Variants in SLC8A3 observed in about 807,000 individuals in gnomAD.
The protein encoded by SLC8A3 is sodium/calcium exchanger 3.
In SLC8A3, 37 loss-of-function variants were observed where a neutral mutation model predicts 65.4. The ratio of observed to expected loss-of-function variants is 0.57; its 90% CI spans 0.44 to 0.74. The LOEUF is 0.74. SLC8A3 is among the 30% of genes least tolerant of loss of function. The pLI is 0.00. For missense variants in SLC8A3, 1,112 were observed against 1,172.1 expected, an observed-to-expected ratio of 0.95 and a Z score of 0.75; for synonymous variants, 461 against 444.5, an observed-to-expected ratio of 1.04 and a Z score of -0.47.
chr14:70,094,714 G>A (rs1035284765), intron 2 of SLC8A3, among the ~76,000 whole-genome samples: 1 of 152,234 alleles, frequency 6.6e-6, no homozygotes, highest in Admixed American at 6.5e-5. Flanking sequence ...TGATGGGGAG[G>A]AGGTGCCTCC....
intron 2 of SLC8A3, among the ~76,000 whole-genome samples, chr14:70,125,597 A>G (rs1310123502): frequency 6.7e-6 from 1 of 149,588 alleles, no homozygotes; most frequent in Admixed American, 6.7e-5. Context: ...AGTTAGGTTG[A>G]TTCCATATTT....
intron 2 of SLC8A3, among the ~76,000 whole-genome samples, chr14:70,132,268 G>T (rs761181109): frequency 2.0e-5 from 3 of 152,232 alleles, no homozygotes; most frequent in Non-Finnish European, 4.4e-5. Flanking sequence ...AAAGCAGCAA[G>T]GTCAGAAAAT....
At chr14:70,187,462 A>G (rs1883372208) in intron 1 of SLC8A3, among the ~76,000 whole-genome samples, 1 of 152,084 alleles carries the variant, frequency 6.6e-6, no homozygotes, top group East Asian at 1.9e-4. Context: ...AATAAAATAC[A>G]ATGAATTAAG....
chr14:70,165,385 T>C (rs1010132243), intron 2 of SLC8A3, among the ~76,000 whole-genome samples: 11 of 152,170 alleles, frequency 7.2e-5, no homozygotes, highest in Non-Finnish European at 1.2e-4. Flanking sequence ...TCCCCACTTT[T>C]CCATGAGTTC....
chr14:70,142,043 C>T (rs1895612909), intron 2 of SLC8A3, among the ~76,000 whole-genome samples: 1 of 152,166 alleles, frequency 6.6e-6, no homozygotes, highest in African/African-American at 2.4e-5. Flanking sequence ...CCAATGGGTT[C>T]CACGGAGCCA....
chr14:70,080,392 T>C lies in SLC8A3; in HGVS notation c.1785-19453A>G, dbSNP rs538062348. Among the ~76,000 whole-genome samples the C allele has an allele frequency of 1.6e-3, 237 of 152,224 alleles. 1 individual carries two copies. The highest frequency in any genetic ancestry group is 5.5e-3 in the African/African-American group (227 of 41,528). On this transcript the variant is annotated intron_variant, in intron 2 of 6. Coordinates refer to ENST00000356921, the MANE Select transcript of SLC8A3 (RefSeq NM_182932.3). Reference sequence around the variant, plus strand: ...CAAGGAGATTTACCTGTGCATTCCATCAGGAGATGCAGTAAGGAGACAGGA... The same window carrying C: ...CAAGGAGATTTACCTGTGCATTCCACCAGGAGATGCAGTAAGGAGACAGGA...
Position 70,052,065 on chromosome 14 carries a change from T to C in SLC8A3, c.1938A>G (p.Ile646Met), listed in dbSNP as rs1171176828. ...CCAATACTGGCTTTCCCATCTCTGC[T>C]ATCCTCTTGGCCTCCTCTTCTTCCA... ...LTMEEEEAKR[I>M]AEMGKPVLGE... The change falls in exon 4 of 7, where the codon ATA becomes ATG. Residue 646 changes from isoleucine to methionine, a missense_variant. Ile to Met is a conservative substitution (Grantham distance 10, BLOSUM62 1). Transcript: ENST00000356921. The C allele has an allele frequency of 6.2e-7, 1 of 1,611,724 alleles. No individual in the cohort carries two copies. Among genetic ancestry groups the C allele is most frequent in the East Asian group, 2.2e-5 (1 of 44,798 alleles).
At chr14:70,069,251 G>T (rs2139899379) in intron 2 of SLC8A3, among the ~76,000 whole-genome samples, 1 of 152,300 alleles carries the variant, frequency 6.6e-6, no homozygotes, top group Admixed American at 6.5e-5. Context: ...GCACAGGCAG[G>T]TAATAAGTGG....
At chr14:70,137,900 G>T (rs1215071356) in intron 2 of SLC8A3, among the ~76,000 whole-genome samples, 1 of 150,834 alleles carries the variant, frequency 6.6e-6, no homozygotes, top group Admixed American at 6.6e-5. Context: ...GGATGACTTA[G>T]CATGGCTTGT....
chr14:70,128,902 A>G (rs971100083), intron 2 of SLC8A3, among the ~76,000 whole-genome samples: 1 of 152,150 alleles, frequency 6.6e-6, no homozygotes, highest in African/African-American at 2.4e-5. Context: ...ATGTCTTGAC[A>G]TTTGTCAATT....
intron 2 of SLC8A3, among the ~76,000 whole-genome samples, chr14:70,074,833 A>G (rs1360645422): frequency 6.6e-6 from 1 of 152,222 alleles, no homozygotes; most frequent in Non-Finnish European, 1.5e-5. Flanking sequence ...TAATAAAGAC[A>G]GGTTCCTATC....
chr14:70,052,625 A>C (rs1887633597), intron 3 of SLC8A3, among the ~76,000 whole-genome samples: 1 of 152,050 alleles, frequency 6.6e-6, no homozygotes, highest in African/African-American at 2.4e-5. Context: ...TTGTTTTTCC[A>C]CTTTGGCTGA....
At chr14:70,114,081 A>T (rs1893491908) in intron 2 of SLC8A3, among the ~76,000 whole-genome samples, 1 of 152,138 alleles carries the variant, frequency 6.6e-6, no homozygotes, top group Non-Finnish European at 1.5e-5. Context: ...AAATTTGTAA[A>T]CTAAAGCCCC....
chr14:70,054,966 G>A (rs368897147), intron 3 of SLC8A3, among the ~76,000 whole-genome samples: 7 of 152,100 alleles, frequency 4.6e-5, no homozygotes, highest in African/African-American at 1.7e-4. Flanking sequence ...ACTGTCTTGT[G>A]TAGGCCACTC....
intron 5 of SLC8A3, 44 bp from the exon 6 acceptor site, chr14:70,049,086 G>A (rs1196111927): frequency 2.6e-6 from 4 of 1,553,802 alleles, no homozygotes; most frequent in African/African-American, 1.4e-5. Flanking sequence ...AACGAAGTCA[G>A]ATAATCATTC....
rs370173564 is a variant in SLC8A3, at chr14:70,162,616, G to A, written c.1784+4023C>T. 4.6e-5 allele frequency among the ~76,000 whole-genome samples: 7 copies of A among 152,340 alleles called. No homozygotes were observed. In the East Asian group the frequency reaches 1.2e-3, roughly 25 times the overall value. ...ATCTGTTATTTTGCAAAGGCGTGCT[G>A]AGAGCCTGGGATATAGGAGCCAGTC... On this transcript the variant is annotated intron_variant, in intron 2 of 6. Transcript: ENST00000356921.
chr14:70,135,514 A>G (rs1895131295), intron 2 of SLC8A3, among the ~76,000 whole-genome samples: 1 of 152,214 alleles, frequency 6.6e-6, no homozygotes, highest in Non-Finnish European at 1.5e-5. Context: ...GGATGAATGG[A>G]TAAAGAAGAT....
At chr14:70,067,706 C>T (rs186108362) in intron 2 of SLC8A3, among the ~76,000 whole-genome samples, 10 of 152,228 alleles carry the variant, frequency 6.6e-5, no homozygotes, top group Non-Finnish European at 1.0e-4. Flanking sequence ...AAAGAAGCTG[C>T]AGACCCAGTA....
chr14:70,050,905 C>A, intron 5 of SLC8A3, 103 bp downstream of exon 5: 1 of 708,166 alleles, frequency 1.4e-6, no homozygotes, highest in Non-Finnish European at 2.5e-6. Flanking sequence ...AGACTGAACA[C>A]ACAAGCCTTC....
Sources: gnomAD v4.1 joint callset for allele counts (sites outside exome capture counted in the v4.1 genomes callset) on GRCh38, gnomAD v4.1.1 for gene constraint, MANE v1.5 for transcripts, NCBI Gene and HGNC (gene_info 2026-07-23, HGNC 2026-07-21) for gene names.